TRIM66: variants seen among roughly 807,000 people sequenced by gnomAD.
The protein encoded by TRIM66 is tripartite motif-containing protein 66.
In TRIM66, 99 loss-of-function variants were observed where a neutral mutation model predicts 148.2. The ratio of observed to expected loss-of-function variants is 0.67; its 90% CI spans 0.57 to 0.79. The LOEUF is 0.79. Ranked by LOEUF, TRIM66 falls within the 30% of genes least tolerant of loss-of-function variation. TRIM66 has a pLI of 0.00. For synonymous variants in TRIM66, 616 were observed against 635.9 expected, an observed-to-expected ratio of 0.97 and a Z score of 0.47; for missense variants, 1,666 against 1,697.9, an observed-to-expected ratio of 0.98 and a Z score of 0.33.
rs2033806754 is a variant in TRIM66, at chr11:8,617,666, A to C, written c.*278T>G. 2.4e-6 allele frequency: 1 copy of C among 416,754 alleles called. No homozygotes were observed. Among genetic ancestry groups the C allele is most frequent in the African/African-American group, 2.0e-5 (1 of 49,726 alleles). 25.8% of individuals were successfully genotyped at this position (416,754 alleles called of 1,614,324 possible). On this transcript the variant is annotated 3_prime_UTR_variant, in exon 25 of 25. Transcript: ENST00000646038. ...AGGAAAGTAGGTTTTCCCGAGCCTA[A>C]CCAGGTGTGGTCTTGTCAAGTGGAG...
At chr11:8,627,651 G>T (rs1049139600) in intron 15 of TRIM66, among the ~76,000 whole-genome samples, 1 of 152,088 alleles carries the variant, frequency 6.6e-6, no homozygotes, top group African/African-American at 2.4e-5. Context: ...GTTTTTTCAT[G>T]TTATTATAAA....
At chr11:8,633,209 C>A (rs1008863514) in intron 15 of TRIM66, among the ~76,000 whole-genome samples, 2 of 152,132 alleles carry the variant, frequency 1.3e-5, no homozygotes, top group African/African-American at 4.8e-5. Flanking sequence ...GTAATCCCAG[C>A]TACTCAGGAG....
chr11:8,624,486 C>T lies in TRIM66; in HGVS notation c.2892G>A (p.Leu964=). 6.4e-7 allele frequency: 1 copy of T among 1,551,494 alleles called. No individual in the cohort carries two copies. Among genetic ancestry groups the T allele is most frequent in the Non-Finnish European group, 8.7e-7 (1 of 1,146,954 alleles). The change falls in exon 17 of 25, where the codon CTG becomes CTA. Residue 964 remains leucine, a synonymous_variant. Transcript: ENST00000646038. The stretch of plus-strand genomic sequence containing the variant: ...GGATGGCCAAGTCCTTGGGAGCATC[C>T]AGACCGGGGACTATGGGACCTTGTC... The part of the protein sequence containing the change: ...LLGQGPIVPG[L]DAPKDLAIPS...
chr11:8,620,623 C>T, intron 20 of TRIM66, 51 bp from the exon 21 acceptor site: 1 of 1,537,892 alleles, frequency 6.5e-7, no homozygotes, highest in Non-Finnish European at 8.8e-7. Context: ...GCCCAGAGCA[C>T]CCTTCCCTCT....
intron 15 of TRIM66, among the ~76,000 whole-genome samples, chr11:8,635,909 T>C (rs142191510): frequency 5.7e-4 from 87 of 152,290 alleles, no homozygotes; most frequent in African/African-American, 2.1e-3. Flanking sequence ...CCTCATCAAA[T>C]GAGAAGCAGC....
intron 15 of TRIM66, among the ~76,000 whole-genome samples, chr11:8,629,217 A>C (rs888158332): frequency 6.6e-6 from 1 of 152,172 alleles, no homozygotes; most frequent in Non-Finnish European, 1.5e-5. Context: ...TAGCTTTCTA[A>C]TATTCTATAT....
chr11:8,622,772 C>G (rs547610596), intron 18 of TRIM66, 44 bp downstream of exon 18: 1 of 1,523,040 alleles, frequency 6.6e-7, no homozygotes, highest in African/African-American at 1.4e-5. Context: ...CATCTCAGGA[C>G]GTGAAGTCAT....
intron 6 of TRIM66, among the ~76,000 whole-genome samples, chr11:8,667,778 T>C (rs1469468784): frequency 6.6e-6 from 1 of 152,262 alleles, no homozygotes; most frequent in Non-Finnish European, 1.5e-5. Context: ...TATTCCATTA[T>C]ATGTATATAC....
chr11:8,682,781 C>T (rs199718508), upstream of TRIM66: 2 of 1,613,442 alleles, frequency 1.2e-6, no homozygotes, highest in Admixed American at 1.7e-5. Flanking sequence ...CGAGACTTGG[C>T]GAAGGCCTTC....
intron 20 of TRIM66, 64 bp from the exon 21 acceptor site, chr11:8,620,636 C>T: frequency 6.5e-7 from 1 of 1,528,188 alleles, no homozygotes; most frequent in Non-Finnish European, 8.8e-7. Context: ...TTCCCTCTCC[C>T]TCTGCCCTAT....
intron 1 of TRIM66, among the ~76,000 whole-genome samples, chr11:8,681,134 ATT>A (rs72232543): frequency 0.12 from 16,775 of 141,372 alleles, 1,133 homozygotes; most frequent in African/African-American, 0.2. Flanking sequence ...GAATTTTGGA[ATT>A]TTTTTTTTTT....
chr11:8,633,704 C>G (rs2035624482), intron 15 of TRIM66, among the ~76,000 whole-genome samples: 1 of 152,216 alleles, frequency 6.6e-6, no homozygotes, highest in South Asian at 2.1e-4. Flanking sequence ...GACCCACAAT[C>G]TGATCCATAG....
chr11:8,643,933 T>A (rs2036623915), intron 12 of TRIM66, among the ~76,000 whole-genome samples: 1 of 152,210 alleles, frequency 6.6e-6, no homozygotes, highest in Non-Finnish European at 1.5e-5. Context: ...TATCCTCTAG[T>A]TAACTAATGT....
intron 18 of TRIM66, among the ~76,000 whole-genome samples, chr11:8,622,328 C>T (rs1170099224): frequency 2.6e-5 from 2 of 76,050 alleles, no homozygotes; most frequent in Non-Finnish European, 5.8e-5. Context: ...TATGGAAGTA[C>T]ACACACACAC....
intron 1 of TRIM66, chr11:8,682,394 T>A (rs10840108): frequency 1.7e-5 from 4 of 228,948 alleles, no homozygotes; most frequent in Non-Finnish European, 3.5e-5. Flanking sequence ...CACTAAGAAC[T>A]GTGGAGGTGC....
intron 6 of TRIM66, among the ~76,000 whole-genome samples, chr11:8,664,477 C>T (rs570116171): frequency 6.6e-6 from 1 of 152,108 alleles, no homozygotes; most frequent in Non-Finnish European, 1.5e-5. Context: ...AGTTGTTAAC[C>T]TTAGTCTATA....
chr11:8,642,698 G>C (rs556187149), intron 13 of TRIM66, among the ~76,000 whole-genome samples: 50 of 151,610 alleles, frequency 3.3e-4, no homozygotes, highest in African/African-American at 1.2e-3. Flanking sequence ...CGGAGAGCAG[G>C]GTGACTGTCT....
At chr11:8,621,467 G>C in intron 19 of TRIM66, 146 bp from the exon 20 acceptor site, 2 of 1,310,782 alleles carry the variant, frequency 1.5e-6, no homozygotes, top group African/African-American at 3.0e-5. Context: ...TGAATGCTGG[G>C]ACACCTCACT....
intron 17 of TRIM66, among the ~76,000 whole-genome samples, chr11:8,623,308 G>A (rs181608347): frequency 6.6e-6 from 1 of 152,338 alleles, no homozygotes; most frequent in African/African-American, 2.4e-5. Flanking sequence ...TGGAAAAGAG[G>A]CTCCCAGGGA....
Sources: allele counts gnomAD v4.1 joint callset (sites outside exome capture counted in the v4.1 genomes callset), GRCh38; gene constraint gnomAD v4.1.1; transcripts MANE v1.5; gene names NCBI Gene and HGNC (gene_info 2026-07-23, HGNC 2026-07-21).